Variants in POU2AF3 observed in about 807,000 individuals in gnomAD.
POU2AF3 encodes the protein cancer susceptibility candidate 13.
At chr11:111,298,645 G>A in the POU2AF3 span, 31 of 1,240,752 alleles carry the variant, frequency 2.5e-5, no homozygotes, top group Middle Eastern at 3.1e-4. Flanking sequence ...ATTTCAATCC[G>A]GGTGTGTTTC....
At chr11:111,299,286 C>A in the POU2AF3 span, 6 of 986,894 alleles carry the variant, frequency 6.1e-6, no homozygotes, top group Non-Finnish European at 7.2e-6. Context: ...CGCGCGGTCA[C>A]CCTCGGCCGC....
At chr11:111,306,386 T>TG in the POU2AF3 span, 4 of 1,396,738 alleles carry the variant, frequency 2.9e-6, no homozygotes, top group Non-Finnish European at 3.7e-6. Flanking sequence ...TTTTCCTTTC[T>TG]CCTCTAGGAC....
At chr11:111,298,887 C>A in the POU2AF3 span, 2 of 1,139,284 alleles carry the variant, frequency 1.8e-6, no homozygotes, top group Non-Finnish European at 2.2e-6. Context: ...GCGGACCCTG[C>A]GCGCCCAGAA....
chr11:111,306,378 T>C, the POU2AF3 span: 3 of 1,394,222 alleles, frequency 2.2e-6, no homozygotes, highest in Non-Finnish European at 2.8e-6. Context: ...ACCTGCCTTT[T>C]TCCTTTCTCC....
At chr11:111,301,390 G>C in the POU2AF3 span, among the ~76,000 whole-genome samples, 1 of 152,304 alleles carries the variant, frequency 6.6e-6, no homozygotes, top group South Asian at 2.1e-4. Context: ...ATTGCTTGGG[G>C]GTTGGTTTGG....
chr11:111,303,555 G>C, the POU2AF3 span, among the ~76,000 whole-genome samples: 1 of 152,134 alleles, frequency 6.6e-6, no homozygotes, highest in Non-Finnish European at 1.5e-5. Flanking sequence ...AGGCCAATCC[G>C]GGGGAGGAAT....
chr11:111,298,805 C>A, the POU2AF3 span: 1 of 1,206,742 alleles, frequency 8.3e-7, no homozygotes, highest in African/African-American at 1.6e-5. Flanking sequence ...GTTGGCCGCT[C>A]CGGACGTCCG....
chr11:111,306,580 C>T, the POU2AF3 span: 1 of 1,551,780 alleles, frequency 6.4e-7, no homozygotes, highest in Non-Finnish European at 8.7e-7. Context: ...CACCATTTCC[C>T]AGACAGCTTC....
chr11:111,304,438 T>A, the POU2AF3 span, among the ~76,000 whole-genome samples: 2 of 151,578 alleles, frequency 1.3e-5, no homozygotes, highest in African/African-American at 4.9e-5. Flanking sequence ...TTACTAAAAA[T>A]TAATCACTTT....
At chr11:111,299,623 G>A in the POU2AF3 span, 3 of 1,227,416 alleles carry the variant, frequency 2.4e-6, no homozygotes, top group African/African-American at 3.1e-5. Flanking sequence ...GGAGTGCAGG[G>A]TCATCGGGAG....
At chr11:111,301,659 A>C in the POU2AF3 span, among the ~76,000 whole-genome samples, 1 of 152,200 alleles carries the variant, frequency 6.6e-6, no homozygotes, top group Non-Finnish European at 1.5e-5. Flanking sequence ...GTGTATCCTC[A>C]AGCAAATTAC....
the POU2AF3 span, among the ~76,000 whole-genome samples, chr11:111,303,912 T>G: frequency 6.6e-6 from 1 of 151,534 alleles, no homozygotes; most frequent in East Asian, 1.9e-4. Flanking sequence ...AAAAAAATCC[T>G]AAATTACTCA....
chr11:111,304,411 T>G, the POU2AF3 span, among the ~76,000 whole-genome samples: 1 of 152,294 alleles, frequency 6.6e-6, no homozygotes, highest in Admixed American at 6.5e-5. Flanking sequence ...CCACATAAAA[T>G]TATTTACATT....
chr11:111,299,427 C>T, the POU2AF3 span: 1 of 1,027,938 alleles, frequency 9.7e-7, no homozygotes, highest in East Asian at 7.9e-5. Flanking sequence ...GGCCTAACAG[C>T]CAGTCCCCAA....
At chr11:111,308,589 T>A in the POU2AF3 span, 1 of 817,832 alleles carries the variant, frequency 1.2e-6, no homozygotes, top group Non-Finnish European at 1.8e-6. Flanking sequence ...AGCATTCATA[T>A]GAAGTCCTCA....
chr11:111,307,306 G>T, the POU2AF3 span, among the ~76,000 whole-genome samples: 1 of 152,128 alleles, frequency 6.6e-6, no homozygotes. Flanking sequence ...AGACTCACAG[G>T]TTTGTTTTGT....
chr11:111,308,240 C>G, the POU2AF3 span: 1 of 1,551,828 alleles, frequency 6.4e-7, no homozygotes, highest in Non-Finnish European at 8.7e-7. Context: ...CTTGTCCTCA[C>G]ACGCCCAGTA....
the POU2AF3 span, chr11:111,300,607 G>C: frequency 5.7e-6 from 7 of 1,231,286 alleles, no homozygotes; most frequent in Middle Eastern, 3.1e-4. Flanking sequence ...ACACCAGGCG[G>C]CCTCCGGGGG....
the POU2AF3 span, chr11:111,299,927 G>A: frequency 3.1e-5 from 13 of 420,684 alleles, no homozygotes; most frequent in Non-Finnish European, 4.5e-5. Flanking sequence ...CCAGGACGGG[G>A]CTGGCCAAAC....
Sources: gnomAD v4.1 joint callset for allele counts (sites outside exome capture counted in the v4.1 genomes callset) on GRCh38, gnomAD v4.1.1 for gene constraint, MANE v1.5 for transcripts, NCBI Gene and HGNC (gene_info 2026-07-23, HGNC 2026-07-21) for gene names.